ACTL6A: variants seen among roughly 807,000 people sequenced by gnomAD.
ACTL6A encodes the protein actin-like protein 6A.
A neutral mutation model predicts 59.2 loss-of-function variants in ACTL6A; 5 were observed. That is an observed-to-expected ratio of 0.08 (90% CI 0.04 to 0.18). The LOEUF is 0.18. Ranked by LOEUF, ACTL6A falls within the 10% of genes least tolerant of loss-of-function variation. ACTL6A has a pLI of 1.00. For missense variants in ACTL6A, 285 were observed against 526.9 expected, an observed-to-expected ratio of 0.54 and a Z score of 4.49; for synonymous variants, 154 against 171.8, an observed-to-expected ratio of 0.90 and a Z score of 0.81.
At position 179,570,077 on chromosome 3, in the gene ACTL6A, C is replaced by T; in HGVS notation, c.113C>T (p.Pro38Leu). ...AGEDCPKVDF[P>L]TAIGMVVERD... is the part of the protein sequence containing the mutation. ...TTCTGACTCTTACAGGTGGATTTTC[C>T]TACAGCTATTGGTATGGTGGTAGAA... The change falls in exon 3 of 14, where the codon CCT (proline) becomes CTT (leucine). Residue 38 changes from proline (P) to leucine (L), a missense_variant. Pro to Leu is a moderately conservative substitution (Grantham distance 98). Transcript: ENST00000429709. The surrounding 1 kb of genome is among the most constrained non-coding windows in gnomAD (Gnocchi z 4.3). 2 of 1,613,234 alleles carry T rather than the reference C, an allele frequency of 1.2e-6. No homozygotes were observed. The highest frequency in any genetic ancestry group is 1.7e-6 in the Non-Finnish European group (2 of 1,179,734).
intron 8 of ACTL6A, 146 bp from the exon 9 acceptor site, chr3:179,580,494 T>TTCA: frequency 1.8e-6 from 1 of 570,866 alleles, no homozygotes; most frequent in South Asian, 2.6e-5. Flanking sequence ...GAATCCTTGT[T>TTCA]AGGTACATTT....
At chr3:179,582,043 GTTATTCAAA>G (rs1718355439) in intron 11 of ACTL6A, among the ~76,000 whole-genome samples, 1 of 152,076 alleles carries the variant, frequency 6.6e-6, no homozygotes. Context: ...TAACTACTAT[GTTATTCAAA>G]AAAGGCTTTG....
chr3:179,573,077 C>T (rs1360629678), intron 3 of ACTL6A, among the ~76,000 whole-genome samples: 1 of 151,142 alleles, frequency 6.6e-6, no homozygotes, highest in Middle Eastern at 3.4e-3. Context: ...ACATTCTGGG[C>T]CTCTAATAAG....
intron 1 of ACTL6A, among the ~76,000 whole-genome samples, chr3:179,564,933 C>T (rs2108351760): frequency 6.7e-6 from 1 of 148,230 alleles, no homozygotes; most frequent in African/African-American, 2.5e-5. Flanking sequence ...CTCCTGAGCT[C>T]AGGCGGTCTT....
At chr3:179,587,564 G>A (rs536178912) in intron 13 of ACTL6A, among the ~76,000 whole-genome samples, 2 of 151,890 alleles carry the variant, frequency 1.3e-5, no homozygotes, top group Non-Finnish European at 2.9e-5. Flanking sequence ...CAAAGTTTAG[G>A]AGTTACGAAA....
At chr3:179,584,231 G>A (rs755158169) in intron 12 of ACTL6A, 8 of 152,036 alleles carry the variant, frequency 5.3e-5, no homozygotes, top group Non-Finnish European at 8.8e-5. Context: ...AAGATCAGTG[G>A]GTATATTATA....
At chr3:179,583,306 T>A in intron 11 of ACTL6A, 47 bp from the exon 12 acceptor site, 1 of 1,460,148 alleles carries the variant, frequency 6.8e-7, no homozygotes, top group Non-Finnish European at 9.5e-7. Flanking sequence ...TTTAAAACTT[T>A]TGGAAACATA....
rs1317864129 is a variant in ACTL6A, at chr3:179,576,202, A to T, written c.477-15A>T. The T allele has an allele frequency of 1.9e-6, 3 of 1,601,140 alleles. No homozygotes were observed. The highest frequency in any genetic ancestry group is 2.2e-5 in the South Asian group (2 of 90,828). The stretch of plus-strand genomic sequence containing the variant: ...GCGGCCTTGATACTTTCTTTTCCTT[A>T]ATGTTTTAAACTAGATTTGCTAATG... On this transcript the variant is annotated splice_polypyrimidine_tract_variant and intron_variant, in intron 5 of 13. Transcript: ENST00000429709.
At chr3:179,584,309 T>G (rs1165350754) in intron 12 of ACTL6A, 1 of 152,212 alleles carries the variant, frequency 6.6e-6, no homozygotes, top group Non-Finnish European at 1.5e-5. Context: ...GGTAACAGAA[T>G]GACAGTTATA....
Position 179,574,366 on chromosome 3 carries a change from C to T in ACTL6A, c.379-4C>T, listed in dbSNP as rs1718104157. 6.3e-7 allele frequency: 1 copy of T among 1,590,274 alleles called. No homozygotes were observed. Among genetic ancestry groups the T allele is most frequent in the Admixed American group, 1.7e-5 (1 of 59,756 alleles). On this transcript the variant is annotated splice_region_variant and splice_polypyrimidine_tract_variant and intron_variant, in intron 4 of 13. Coordinates refer to ENST00000429709, the MANE Select transcript of ACTL6A (RefSeq NM_004301.5). ...CTTGCATTTCTTTTTCCCCTCTTCT[C>T]AAGTGGAATACTAGAGCAAAGAGAG...
In ACTL6A at chr3:179,581,158, ATGTTAG is replaced by A; in HGVS notation, c.965_970del (p.Met322_Gly324delinsArg). Reference sequence around the variant, plus strand: ...GTTGTAGGGGTTATCAGGAAACACAATGTTAGGAGTCAGTCATGTTGTCACCACAAG... The same window carrying A: ...GTTGTAGGGGTTATCAGGAAACACAAGAGTCAGTCATGTTGTCACCACAAG... On this transcript the variant is annotated inframe_deletion, in exon 11 of 14. Coordinates refer to ENST00000429709, the MANE Select transcript of ACTL6A (RefSeq NM_004301.5). 6.2e-7 allele frequency: 1 copy of A among 1,614,074 alleles called. No individual in the cohort carries two copies. The highest frequency in any genetic ancestry group is 8.5e-7 in the Non-Finnish European group (1 of 1,179,934).
chr3:179,575,977 A>G (rs1718155496), intron 5 of ACTL6A, among the ~76,000 whole-genome samples: 1 of 152,208 alleles, frequency 6.6e-6, no homozygotes, highest in Non-Finnish European at 1.5e-5. Context: ...TGTTCCTAGG[A>G]TAAAGGTTTC....
intron 3 of ACTL6A, among the ~76,000 whole-genome samples, chr3:179,571,090 A>G (rs892623783): frequency 6.6e-6 from 1 of 152,062 alleles, no homozygotes; most frequent in Non-Finnish European, 1.5e-5. Context: ...TGAGATAGGA[A>G]TATAAAGGGA....
At chr3:179,586,434 G>T in intron 12 of ACTL6A, 112 bp from the exon 13 acceptor site, 1 of 782,576 alleles carries the variant, frequency 1.3e-6, no homozygotes, top group East Asian at 3.3e-5. Context: ...GACCAGCCTG[G>T]ACAATATGGC....
intron 4 of ACTL6A, 56 bp downstream of exon 4, chr3:179,573,525 T>A: frequency 7.9e-7 from 1 of 1,271,670 alleles, no homozygotes; most frequent in Non-Finnish European, 1.1e-6. Flanking sequence ...TTTTTCTTTT[T>A]TTTTTCCTTT....
At chr3:179,566,811 T>C (rs552244848) in intron 1 of ACTL6A, among the ~76,000 whole-genome samples, 20 of 152,282 alleles carry the variant, frequency 1.3e-4, no homozygotes, top group African/African-American at 4.8e-4. Flanking sequence ...TGCCTCGGCC[T>C]CCAGAGTAGC....
intron 8 of ACTL6A, 148 bp from the exon 9 acceptor site, chr3:179,580,492 G>A: frequency 3.5e-6 from 2 of 569,454 alleles, no homozygotes; most frequent in Admixed American, 7.5e-5. Context: ...CAGAATCCTT[G>A]TTAGGTACAT....
intron 11 of ACTL6A, 131 bp downstream of exon 11, chr3:179,581,351 T>C: frequency 1.3e-6 from 1 of 752,340 alleles, no homozygotes; most frequent in East Asian, 2.5e-5. Flanking sequence ...TTTATAACAG[T>C]ATATGTAAAA....
At chr3:179,580,308 T>A (rs1718299584) in intron 8 of ACTL6A, among the ~76,000 whole-genome samples, 1 of 152,222 alleles carries the variant, frequency 6.6e-6, no homozygotes, top group African/African-American at 2.4e-5. Context: ...TTGCTTCTAA[T>A]CTAGCTTATT....
Sources: allele counts gnomAD v4.1 joint callset (sites outside exome capture counted in the v4.1 genomes callset), GRCh38; gene constraint gnomAD v4.1.1; non-coding constraint Gnocchi (gnomAD v3.1); transcripts MANE v1.5; gene names NCBI Gene and HGNC (gene_info 2026-07-23, HGNC 2026-07-21).